The following ZBTB16 variants were observed in gnomAD, a reference collection of about 807,000 sequenced individuals.
ZBTB16 encodes zinc finger and BTB domain-containing protein 16.
In ZBTB16, 8 loss-of-function variants were observed where a neutral mutation model predicts 56.8. The observed-to-expected ratio is 0.14, with a 90% CI of 0.08 to 0.25. ZBTB16 has a LOEUF of 0.25. Among genes scored for constraint, ZBTB16 ranks in the 10% least tolerant of loss-of-function variants. The pLI is 1.00. For synonymous variants in ZBTB16, 363 were observed against 368.5 expected, an observed-to-expected ratio of 0.98 and a Z score of 0.17; for missense variants, 625 against 903.0, an observed-to-expected ratio of 0.69 and a Z score of 3.95.
At chr11:114,221,973 A>T (rs1944239403) in intron 4 of ZBTB16, among the ~76,000 whole-genome samples, 1 of 152,136 alleles carries the variant, frequency 6.6e-6, no homozygotes, top group African/African-American at 2.4e-5. Flanking sequence ...CATGTTACAG[A>T]GTGTCCATGA....
chr11:114,190,256 C>T (rs1943460758), intron 4 of ZBTB16, among the ~76,000 whole-genome samples: 1 of 152,110 alleles, frequency 6.6e-6, no homozygotes, highest in Admixed American at 6.5e-5. Flanking sequence ...TGCACAGCTT[C>T]GAATACTGAG....
chr11:114,229,852 A>C (rs1944401654), intron 4 of ZBTB16, among the ~76,000 whole-genome samples: 1 of 152,208 alleles, frequency 6.6e-6, no homozygotes, highest in African/African-American at 2.4e-5. Context: ...CGGGGCAGGC[A>C]GGGGTTGGGC....
chr11:114,144,036 G>A (rs554971353), intron 2 of ZBTB16, among the ~76,000 whole-genome samples: 2 of 152,274 alleles, frequency 1.3e-5, no homozygotes, highest in African/African-American at 4.8e-5. Flanking sequence ...GCCCAGCAGG[G>A]AAGAGGATTC....
intron 4 of ZBTB16, among the ~76,000 whole-genome samples, chr11:114,230,536 A>G (rs1301408152): frequency 6.7e-6 from 1 of 150,046 alleles, no homozygotes; most frequent in African/African-American, 2.5e-5. Flanking sequence ...TACCGTGGGA[A>G]TGAATGGCCA....
chr11:114,217,359 A>T (rs1944127667), intron 4 of ZBTB16, among the ~76,000 whole-genome samples: 1 of 152,066 alleles, frequency 6.6e-6, no homozygotes, highest in African/African-American at 2.4e-5. Context: ...TGTTTAGGAG[A>T]CTTTTGTGGC....
At chr11:114,191,682 G>A (rs1049521322) in intron 4 of ZBTB16, among the ~76,000 whole-genome samples, 3 of 152,170 alleles carry the variant, frequency 2.0e-5, no homozygotes, top group Admixed American at 1.3e-4. Context: ...CTTTTGGCTC[G>A]CTGTGCCCTA....
chr11:114,105,262 G>A (rs1298378769), intron 2 of ZBTB16, among the ~76,000 whole-genome samples: 12 of 146,644 alleles, frequency 8.2e-5, no homozygotes, highest in Non-Finnish European at 8.9e-5. Flanking sequence ...TTTTTGAGAC[G>A]TGGAGTCTCG....
At chr11:114,236,966 T>C (rs1211662465) in intron 4 of ZBTB16, among the ~76,000 whole-genome samples, 1 of 152,192 alleles carries the variant, frequency 6.6e-6, no homozygotes, top group Non-Finnish European at 1.5e-5. Context: ...AAAGATGCCT[T>C]CTCTAGGGTC....
At chr11:114,084,784 A>G (rs1244719888) in intron 2 of ZBTB16, among the ~76,000 whole-genome samples, 3 of 152,226 alleles carry the variant, frequency 2.0e-5, no homozygotes, top group African/African-American at 7.2e-5. Flanking sequence ...TTCTGGGTTT[A>G]AAATACAGTC....
chr11:114,086,222 C>T (rs1024489065), intron 2 of ZBTB16, among the ~76,000 whole-genome samples: 3 of 152,088 alleles, frequency 2.0e-5, no homozygotes, highest in Non-Finnish European at 4.4e-5. Context: ...AGGAGCCAGG[C>T]GTGGCCAGGA....
At chr11:114,074,038 A>G (rs1939448214) in intron 2 of ZBTB16, among the ~76,000 whole-genome samples, 1 of 152,204 alleles carries the variant, frequency 6.6e-6, no homozygotes, top group Non-Finnish European at 1.5e-5. Context: ...CACCTCTGTG[A>G]AGCAGCAGTA....
At position 114,216,693 on chromosome 11, in the gene ZBTB16, C is replaced by G. The variant is rs527411145; in HGVS notation, c.1454-25474C>G. ...GGAGGGAAATAAGAAGTCACCTCCC[C>G]TTACCCCCTATTCTCACTGAGTTGG... On this transcript the variant is annotated intron_variant, in intron 4 of 6. Transcript: ENST00000335953. Among the ~76,000 whole-genome samples the G allele has an allele frequency of 3.3e-5, 5 of 152,318 alleles. No individual in the cohort carries two copies. The South Asian group carries it at 1.0e-3, about 32-fold the overall frequency.
chr11:114,070,205 T>A lies in ZBTB16; in HGVS notation c.1268+5637T>A, dbSNP rs887675672. On this transcript the variant is annotated intron_variant, in intron 2 of 6. Transcript: ENST00000335953. Reference sequence around the variant, plus strand: ...CTCACTGCAAGCTCCGCTTCCCGGGTTCACGCCATTCTCCTGCCTCAGCCT... The same window carrying A: ...CTCACTGCAAGCTCCGCTTCCCGGGATCACGCCATTCTCCTGCCTCAGCCT... Among the ~76,000 whole-genome samples the A allele has an allele frequency of 4.0e-4, 59 of 146,760 alleles. 1 individual carries two copies. Among genetic ancestry groups the A allele is most frequent in the Admixed American group, 1.5e-3 (21 of 14,290 alleles).
At chr11:114,106,268 T>A (rs1940786354) in intron 2 of ZBTB16, among the ~76,000 whole-genome samples, 1 of 152,142 alleles carries the variant, frequency 6.6e-6, no homozygotes, top group Non-Finnish European at 1.5e-5. Context: ...CCCTTCCCCC[T>A]TGGCCGGTTT....
At chr11:114,110,185 C>A (rs576621943) in intron 2 of ZBTB16, among the ~76,000 whole-genome samples, 163 of 152,092 alleles carry the variant, frequency 1.1e-3, no homozygotes, top group Non-Finnish European at 1.6e-3. Context: ...CCACTGTGCC[C>A]CCACCCCCTT....
chr11:114,130,454 A>G (rs1941630493), intron 2 of ZBTB16, among the ~76,000 whole-genome samples: 1 of 152,214 alleles, frequency 6.6e-6, no homozygotes, highest in Non-Finnish European at 1.5e-5. Context: ...CTGTGCCCCA[A>G]GGGCATGACT....
At chr11:114,123,856 A>G (rs1262928037) in intron 2 of ZBTB16, among the ~76,000 whole-genome samples, 2 of 152,182 alleles carry the variant, frequency 1.3e-5, no homozygotes, top group Non-Finnish European at 2.9e-5. Context: ...ACCTGTGGCT[A>G]AATGGATATA....
At chr11:114,178,065 G>A (rs1258726108) in intron 3 of ZBTB16, among the ~76,000 whole-genome samples, 1 of 152,202 alleles carries the variant, frequency 6.6e-6, no homozygotes, top group Non-Finnish European at 1.5e-5. Context: ...GATGGGAGCA[G>A]ACGGTAGGGG....
intron 2 of ZBTB16, among the ~76,000 whole-genome samples, chr11:114,074,094 T>C (rs1445484383): frequency 6.6e-6 from 1 of 152,192 alleles, no homozygotes; most frequent in African/African-American, 2.4e-5. Context: ...CAATGTGGTT[T>C]TTAAAGTATG....
Sources: gnomAD v4.1 joint callset for allele counts (sites outside exome capture counted in the v4.1 genomes callset) on GRCh38, gnomAD v4.1.1 for gene constraint, MANE v1.5 for transcripts, NCBI Gene and HGNC (gene_info 2026-07-23, HGNC 2026-07-21) for gene names.